The following PCBP3 variants were observed in gnomAD, a reference collection of about 807,000 sequenced individuals.
PCBP3 encodes the protein poly(rC)-binding protein 3.
A neutral mutation model predicts 52.7 loss-of-function variants in PCBP3; 25 were observed. That is an observed-to-expected ratio of 0.47 (90% CI 0.35 to 0.66). The LOEUF is 0.66. Among genes scored for constraint, PCBP3 ranks in the 30% least tolerant of loss-of-function variants. The pLI is 0.01. For synonymous variants in PCBP3, 162 were observed against 183.0 expected, an observed-to-expected ratio of 0.89 and a Z score of 0.93; for missense variants, 391 against 490.3, an observed-to-expected ratio of 0.80 and a Z score of 1.91.
At chr21:45,938,741 G>A (rs1284473398) in intron 16 of PCBP3, among the ~76,000 whole-genome samples, 1 of 152,212 alleles carries the variant, frequency 6.6e-6, no homozygotes, top group African/African-American at 2.4e-5. Flanking sequence ...GGGGGTCTCT[G>A]TGGATATCTA....
At chr21:45,872,815 T>C (rs1569398241) in intron 5 of PCBP3, 1 of 152,250 alleles carries the variant, frequency 6.6e-6, no homozygotes, top group Non-Finnish European at 1.5e-5. Context: ...GGTTCTCCTT[T>C]AATTTATCAA....
rs184626528 is a variant in PCBP3 at position 45,653,179 on chromosome 21, G to A, written c.-279+9311G>A. Reference sequence around the variant, plus strand: ...TTGTAGCCCAGAATATGGTATGTAAGTTTTCTCAGATATTCCTATGTGCCT... The same window carrying A: ...TTGTAGCCCAGAATATGGTATGTAAATTTTCTCAGATATTCCTATGTGCCT... On this transcript the variant is annotated intron_variant, in intron 1 of 17. Transcript: ENST00000681687. Among the ~76,000 whole-genome samples the A allele has an allele frequency of 2.3e-3, 343 of 152,244 alleles. 2 individuals are homozygous for A. Among genetic ancestry groups the A allele is most frequent in the African/African-American group, 7.7e-3 (321 of 41,548 alleles).
intron 9 of PCBP3, 147 bp downstream of exon 9, chr21:45,901,260 C>T (rs2096028550): frequency 3.0e-6 from 2 of 661,098 alleles, no homozygotes; most frequent in Admixed American, 4.3e-5. Flanking sequence ...TCCTTTGCCT[C>T]CCAGGGCCTC....
At chr21:45,678,231 G>A (rs923898274) in intron 2 of PCBP3, among the ~76,000 whole-genome samples, 17 of 151,836 alleles carry the variant, frequency 1.1e-4, no homozygotes, top group African/African-American at 3.6e-4. Flanking sequence ...GCATGAACCT[G>A]GGAGGCGGAG....
In PCBP3 at chr21:45,770,057, C is replaced by T. The variant is rs117158902; in HGVS notation, c.-126+14605C>T. Reference sequence around the variant, plus strand: ...CACCACCACAGGACATGGTGAACGCCGGGGGGTTGGCAGGTGGCGGCCTCG... The same window carrying T: ...CACCACCACAGGACATGGTGAACGCTGGGGGGTTGGCAGGTGGCGGCCTCG... On this transcript the variant is annotated intron_variant, in intron 4 of 17. Coordinates refer to ENST00000681687, the MANE Select transcript of PCBP3 (RefSeq NM_001384156.1). Among the ~76,000 whole-genome samples the T allele has an allele frequency of 5.0e-3, 767 of 152,264 alleles. 8 individuals carry two copies. Among genetic ancestry groups the T allele is most frequent in the South Asian group, 0.018 (88 of 4,828 alleles).
intron 13 of PCBP3, among the ~76,000 whole-genome samples, chr21:45,922,488 G>A (rs1028342788): frequency 7.9e-5 from 12 of 152,118 alleles, no homozygotes; most frequent in Non-Finnish European, 1.8e-4. Flanking sequence ...TCCGGCAGTC[G>A]AGACTGTAGT....
intron 15 of PCBP3, among the ~76,000 whole-genome samples, chr21:45,931,963 T>C (rs541590328): frequency 1.3e-5 from 2 of 150,152 alleles, no homozygotes; most frequent in East Asian, 2.0e-4. Flanking sequence ...CATGCTGTCC[T>C]GAGATGAACG....
At chr21:45,835,456 G>A (rs1424873945) in intron 4 of PCBP3, among the ~76,000 whole-genome samples, 1 of 152,202 alleles carries the variant, frequency 6.6e-6, no homozygotes, top group East Asian at 1.9e-4. Context: ...CCTGCCGGCC[G>A]TCAGCTCCTG....
At position 45,746,118 on chromosome 21, in the gene PCBP3, C is replaced by T. The variant is rs546857294; in HGVS notation, c.-161-9299C>T. 1.5e-3 allele frequency among the ~76,000 whole-genome samples: 197 copies of T among 131,090 alleles called. 14 individuals carry two copies. The highest frequency in any genetic ancestry group is 5.5e-3 in the South Asian group (22 of 3,986). The allele number at this position is 131,090 out of a possible 152,430, so 86.0% of individuals were successfully genotyped here. On this transcript the variant is annotated intron_variant, in intron 3 of 17. Transcript: ENST00000681687. Reference sequence around the variant, plus strand: ...CAGCATCGCTGTGTCAGTCCACTGACGTAGCGCACACGGTGTTGTGTCAGC... The same window carrying T: ...CAGCATCGCTGTGTCAGTCCACTGATGTAGCGCACACGGTGTTGTGTCAGC...
chr21:45,875,010 G>A (rs1293395940), intron 5 of PCBP3, among the ~76,000 whole-genome samples: 3 of 152,242 alleles, frequency 2.0e-5, no homozygotes, highest in Non-Finnish European at 4.4e-5. Context: ...CAAGTAGGGA[G>A]CTCTGCCCAG....
At chr21:45,666,341 G>A (rs754674234) in intron 1 of PCBP3, among the ~76,000 whole-genome samples, 8 of 152,132 alleles carry the variant, frequency 5.3e-5, no homozygotes, top group Non-Finnish European at 8.8e-5. Flanking sequence ...TCTGTTCATC[G>A]ATGGTATGTA....
intron 4 of PCBP3, among the ~76,000 whole-genome samples, chr21:45,784,431 A>C (rs2090929753): frequency 2.7e-5 from 3 of 109,124 alleles, no homozygotes; most frequent in Admixed American, 9.2e-5. Context: ...CCTACCTCCT[A>C]CCTCCTACCT....
At chr21:45,661,338 A>G (rs2080376763) in intron 1 of PCBP3, among the ~76,000 whole-genome samples, 1 of 151,768 alleles carries the variant, frequency 6.6e-6, no homozygotes, top group Non-Finnish European at 1.5e-5. Flanking sequence ...TCTGGTGTCT[A>G]TTATTACATT....
chr21:45,670,378 G>A (rs1024178025), intron 2 of PCBP3, among the ~76,000 whole-genome samples: 3 of 152,142 alleles, frequency 2.0e-5, no homozygotes, highest in East Asian at 3.8e-4. Context: ...TCTTGTCTTT[G>A]TAGATATGTT....
At chr21:45,866,847 C>T (rs1361522202) in intron 5 of PCBP3, among the ~76,000 whole-genome samples, 2 of 152,110 alleles carry the variant, frequency 1.3e-5, no homozygotes, top group Non-Finnish European at 2.9e-5. Flanking sequence ...TGTGCACCGT[C>T]ACGGAGATGC....
At chr21:45,834,721 CAG>C (rs1291336783) in intron 4 of PCBP3, among the ~76,000 whole-genome samples, 1 of 152,238 alleles carries the variant, frequency 6.6e-6, no homozygotes, top group East Asian at 1.9e-4. Flanking sequence ...AGGCGTCTCT[CAG>C]AGGGGGCCCA....
At chr21:45,915,056 C>CGTG (rs2073152935) in intron 12 of PCBP3, 1 of 152,224 alleles carries the variant, frequency 6.6e-6, no homozygotes, top group Non-Finnish European at 1.5e-5. Flanking sequence ...CCCAGGGTCC[C>CGTG]GTGTGCTCAG....
At position 45,800,651 on chromosome 21, in the gene PCBP3, C is replaced by T. The variant is rs1316578956; in HGVS notation, c.-126+45199C>T. ...TCGTGCTGGGCCCTTGGGCCAAGCA[C>T]CGCATGCAGCCTGGTGCACACCTGT... On this transcript the variant is annotated intron_variant, in intron 4 of 17. Coordinates refer to ENST00000681687, the MANE Select transcript of PCBP3 (RefSeq NM_001384156.1). This position sits in a 1 kb window ranked among gnomAD's most constrained non-coding sequence, Gnocchi z 5.3. 2.0e-5 allele frequency among the ~76,000 whole-genome samples: 3 copies of T among 152,218 alleles called. No individual in the cohort carries two copies. Among genetic ancestry groups the T allele is most frequent in the Non-Finnish European group, 4.4e-5 (3 of 68,036 alleles).
intron 1 of PCBP3, among the ~76,000 whole-genome samples, chr21:45,664,020 C>CTTT (rs35607838): frequency 2.2e-4 from 29 of 132,696 alleles, no homozygotes; most frequent in African/African-American, 8.3e-4. Flanking sequence ...CTTTTTTTTT[C>CTTT]TTTTTTTTTT....
Sources: allele counts gnomAD v4.1 joint callset (sites outside exome capture counted in the v4.1 genomes callset), GRCh38; gene constraint gnomAD v4.1.1; non-coding constraint Gnocchi (gnomAD v3.1); transcripts MANE v1.5; gene names NCBI Gene and HGNC (gene_info 2026-07-23, HGNC 2026-07-21).